The following CCDC158 variants were observed in gnomAD, a reference collection of about 807,000 sequenced individuals.
CCDC158 encodes coiled-coil domain-containing protein 158.
In CCDC158, 116 loss-of-function variants were observed where a neutral mutation model predicts 138.6. That is an observed-to-expected ratio of 0.84 (90% CI 0.72 to 0.98). The LOEUF (loss-of-function observed/expected upper bound fraction) is 0.98. CCDC158 is among the 50% of genes least tolerant of loss of function. The probability of loss-of-function intolerance (pLI) is 0.00; values close to 1 mark genes in which losing one functional copy is unlikely to be tolerated. For missense variants in CCDC158, 1,265 were observed against 1,306.1 expected (o/e 0.97, Z 0.48); for synonymous variants, 436 against 442.4 (o/e 0.99, Z 0.18).
intron 24 of CCDC158, among the ~76,000 whole-genome samples, chr4:76,314,407 T>G (rs551490331): frequency 1.7e-4 from 26 of 152,326 alleles, no homozygotes; most frequent in African/African-American, 6.0e-4. Context: ...CCAACTTGGA[T>G]GGACAGAGCA....
At chr4:76,330,917 C>T (rs1181622020) in intron 21 of CCDC158, among the ~76,000 whole-genome samples, 1 of 152,056 alleles carries the variant, frequency 6.6e-6, no homozygotes, top group Non-Finnish European at 1.5e-5. Context: ...GCAGCAGAGA[C>T]AGTATGAAAA....
At chr4:76,406,768 A>G (rs1728859629) in intron 2 of CCDC158, among the ~76,000 whole-genome samples, 1 of 152,164 alleles carries the variant, frequency 6.6e-6, no homozygotes, top group Non-Finnish European at 1.5e-5. Flanking sequence ...GAAATTAAAT[A>G]ATTTCTGAAA....
At chr4:76,350,601 C>G (rs936623764) in intron 18 of CCDC158, among the ~76,000 whole-genome samples, 9 of 152,006 alleles carry the variant, frequency 5.9e-5, no homozygotes, top group Non-Finnish European at 1.5e-5. Flanking sequence ...ATAAAAGTGT[C>G]TTATAATTAA....
At chr4:76,389,227 A>C (rs1727094048) in intron 4 of CCDC158, among the ~76,000 whole-genome samples, 1 of 152,132 alleles carries the variant, frequency 6.6e-6, no homozygotes, top group Non-Finnish European at 1.5e-5. Context: ...TCAGAGAAAG[A>C]ATTCAGAATT....
chr4:76,349,559 C>T (rs1722865749), intron 18 of CCDC158, among the ~76,000 whole-genome samples: 1 of 152,096 alleles, frequency 6.6e-6, no homozygotes. Context: ...GTCCCAGCTA[C>T]TAGGGAGGCT....
chr4:76,382,259 T>C (rs1726331188), intron 8 of CCDC158, among the ~76,000 whole-genome samples: 1 of 152,124 alleles, frequency 6.6e-6, no homozygotes, highest in Admixed American at 6.5e-5. Context: ...TCCTGAGGCC[T>C]CCCACTCACG....
chr4:76,378,266 C>G, intron 9 of CCDC158, among the ~76,000 whole-genome samples: 1 of 152,174 alleles, frequency 6.6e-6, no homozygotes, highest in South Asian at 2.1e-4. Context: ...AGAATTCGTG[C>G]TGCAATATAT....
chr4:76,369,611 T>C lies in CCDC158; in HGVS notation c.1162A>G (p.Lys388Glu). 1 of 1,614,108 alleles carries C rather than the reference T, an allele frequency of 6.2e-7. No homozygotes were observed. The highest frequency in any genetic ancestry group is 8.5e-7 in the Non-Finnish European group (1 of 1,179,994). ...QLQKLLADLH[K>E]REKELSLEKE... Reference sequence around the variant, plus strand: ...TCCAGACTCAGCTCCTTCTCCCTTTTGTGTAGATCAGCCTAAAAAAAGAGA... The same window carrying C: ...TCCAGACTCAGCTCCTTCTCCCTTTCGTGTAGATCAGCCTAAAAAAAGAGA... Residue 388 changes from lysine (K) to glutamate (E), a missense_variant, in exon 11 of 25, where the codon AAA becomes GAA. By Grantham distance (56) the Lys-to-Glu change is moderately conservative (BLOSUM62 1). Transcript: ENST00000682701.
chr4:76,367,247 TAATA>T, intron 12 of CCDC158, 43 bp downstream of exon 12: 1 of 1,572,622 alleles, frequency 6.4e-7, no homozygotes, highest in Non-Finnish European at 8.6e-7. Flanking sequence ...TCATACCTGC[TAATA>T]AATGATATTT....
chr4:76,394,513 G>C lies in CCDC158; in HGVS notation c.288+1756C>G, dbSNP rs536851358. 1.4e-4 allele frequency among the ~76,000 whole-genome samples: 22 copies of C among 151,796 alleles called. No homozygotes were observed. The South Asian group carries it at 3.3e-3, about 23-fold the overall frequency. On this transcript the variant is annotated intron_variant, in intron 4 of 24. Coordinates refer to ENST00000682701, the MANE Select transcript of CCDC158 (RefSeq NM_001394954.1). ...TAGTGGGGGAGTGAAGGAGAAGTGGGGATGGTTAATGGGTACAAAAAAAAT... is the reference window on the plus strand; with the variant it reads ...TAGTGGGGGAGTGAAGGAGAAGTGGCGATGGTTAATGGGTACAAAAAAAAT...
At chr4:76,323,861 C>T (rs958536615) in intron 23 of CCDC158, among the ~76,000 whole-genome samples, 3 of 152,102 alleles carry the variant, frequency 2.0e-5, no homozygotes, top group Non-Finnish European at 2.9e-5. Flanking sequence ...TGTCACCTAA[C>T]GTGAATGGTA....
chr4:76,315,054 T>C (rs1298997325), intron 24 of CCDC158, among the ~76,000 whole-genome samples: 1 of 152,166 alleles, frequency 6.6e-6, no homozygotes, highest in African/African-American at 2.4e-5. Flanking sequence ...ACCACCACCC[T>C]GCACTGGCTG....
intron 21 of CCDC158, 31 bp from the exon 22 acceptor site, chr4:76,328,998 T>C (rs1720778710): frequency 1.3e-6 from 2 of 1,544,882 alleles, no homozygotes; most frequent in Middle Eastern, 3.4e-4. Flanking sequence ...ATGCAAGCAT[T>C]CCATTTCACA....
Position 76,349,237 on chromosome 4 carries a change from A to G in CCDC158, c.2664+1759T>C, listed in dbSNP as rs111581192. Among the ~76,000 whole-genome samples, 702 of 152,360 alleles carry G rather than the reference A, an allele frequency of 4.6e-3. 3 individuals are homozygous for G. The highest frequency in any genetic ancestry group is 0.016 in the African/African-American group (669 of 41,576). On this transcript the variant is annotated intron_variant, in intron 18 of 24. Transcript: ENST00000682701. The stretch of plus-strand genomic sequence containing the variant: ...TACTTGGGAAACATCAGTGAACAAA[A>G]CAAAGAATGAATATTACTTTTATTG...
chr4:76,320,250 G>A (rs750009844), intron 24 of CCDC158, among the ~76,000 whole-genome samples: 7 of 152,118 alleles, frequency 4.6e-5, no homozygotes, highest in Non-Finnish European at 7.4e-5. Context: ...ATGAACAATC[G>A]CTACAGGAAA....
chr4:76,411,386 C>T lies in CCDC158; in HGVS notation c.-74+704G>A, dbSNP rs1021358342. Among the ~76,000 whole-genome samples, 4 of 152,024 alleles carry T rather than the reference C, an allele frequency of 2.6e-5. No individual in the cohort carries two copies. The East Asian group carries it at 5.8e-4, about 22-fold the overall frequency. ...CTGCACTCCAGCCTGGGTGACAGAG[C>T]AAGACTCCATCTCAAAAAAACAAAA... is the stretch of plus-strand genomic sequence containing the variant. On this transcript the variant is annotated intron_variant, in intron 2 of 24. Transcript: ENST00000682701.
At chr4:76,393,262 A>G (rs1259545109) in intron 4 of CCDC158, among the ~76,000 whole-genome samples, 2 of 152,130 alleles carry the variant, frequency 1.3e-5, no homozygotes, top group Non-Finnish European at 2.9e-5. Flanking sequence ...CCAGAACAGC[A>G]TGGTACTGGC....
At chr4:76,332,784 C>A (rs914442419) in intron 19 of CCDC158, among the ~76,000 whole-genome samples, 1 of 152,156 alleles carries the variant, frequency 6.6e-6, no homozygotes, top group Non-Finnish European at 1.5e-5. Flanking sequence ...AATATATTCA[C>A]GTTCAATACA....
intron 22 of CCDC158, among the ~76,000 whole-genome samples, chr4:76,328,436 C>T (rs530445279): frequency 2.0e-5 from 3 of 152,272 alleles, no homozygotes; most frequent in South Asian, 2.1e-4. Context: ...GTGGGAAAAT[C>T]GTGATTTTTA....
Sources: allele counts gnomAD v4.1 joint callset (sites outside exome capture counted in the v4.1 genomes callset), GRCh38; gene constraint gnomAD v4.1.1; transcripts MANE v1.5; gene names NCBI Gene and HGNC (gene_info 2026-07-23, HGNC 2026-07-21).